Variants in PCDHA3 observed in about 807,000 individuals in gnomAD.
PCDHA3 encodes the protein protocadherin alpha 3, also known as protocadherin alpha-3.
In PCDHA3, 41 loss-of-function variants were observed where a neutral mutation model predicts 62.2. The observed-to-expected ratio is 0.66, with a 90% CI of 0.51 to 0.86. PCDHA3 has a LOEUF of 0.86. Among genes scored for constraint, PCDHA3 ranks in the 40% least tolerant of loss-of-function variants. The pLI is 0.00. For synonymous variants in PCDHA3, 640 were observed against 555.4 expected (o/e 1.15, Z -2.14); for missense variants, 1,304 against 1,241.2 (o/e 1.05, Z -0.76).
rs2150366825 is a variant in PCDHA3, at chr5:140,843,799, A to G, written c.2394+40208A>G. Reference sequence around the variant, plus strand: ...AAAAGTGTTTCAGATTTAGTTTTTCACCGTATTTTATAGTGAAAATTTAAA... The same window carrying G: ...AAAAGTGTTTCAGATTTAGTTTTTCGCCGTATTTTATAGTGAAAATTTAAA... On this transcript the variant is annotated intron_variant, in intron 1 of 3. Transcript: ENST00000522353. 59 of 1,346,314 alleles carry G rather than the reference A, an allele frequency of 4.4e-5. 4 individuals carry two copies. Among genetic ancestry groups the G allele is most frequent in the Middle Eastern group, 2.1e-4 (1 of 4,868 alleles). The allele number at this position is 1,346,314 out of a possible 1,614,324, so 83.4% of individuals were successfully genotyped here.
At chr5:140,808,215 A>T in intron 1 of PCDHA3, 1 of 1,614,260 alleles carries the variant, frequency 6.2e-7, no homozygotes, top group Non-Finnish European at 8.5e-7. Flanking sequence ...GTAGAAGACA[A>T]CAACGATAAT....
At chr5:140,963,060 T>C (rs539314958) in intron 1 of PCDHA3, among the ~76,000 whole-genome samples, 11 of 152,154 alleles carry the variant, frequency 7.2e-5, no homozygotes, top group Non-Finnish European at 1.6e-4. Context: ...GGTTTCTACA[T>C]TGTGAAGGAG....
At chr5:141,007,422 G>A (rs190866782) in intron 3 of PCDHA3, among the ~76,000 whole-genome samples, 22 of 143,640 alleles carry the variant, frequency 1.5e-4, no homozygotes, top group African/African-American at 4.9e-4. Context: ...AAAAAAATTA[G>A]CCAGGCATGG....
intron 1 of PCDHA3, chr5:140,852,739 A>G: frequency 2.0e-6 from 2 of 984,418 alleles, no homozygotes. Flanking sequence ...TTCATGTGCC[A>G]TTTAAACTTG....
chr5:140,913,055 T>G (rs1554195719), intron 1 of PCDHA3, among the ~76,000 whole-genome samples: 2 of 152,184 alleles, frequency 1.3e-5, no homozygotes, highest in African/African-American at 4.8e-5. Context: ...GAGTTTTATT[T>G]TATTTTGATG....
chr5:140,953,034 C>T (rs1337571700), intron 1 of PCDHA3, among the ~76,000 whole-genome samples: 1 of 152,168 alleles, frequency 6.6e-6, no homozygotes, highest in Non-Finnish European at 1.5e-5. Context: ...GGGAAATCCA[C>T]CCCCATGATC....
rs200360846 is a variant in PCDHA3, at chr5:140,842,668, C to T, written c.2394+39077C>T. On this transcript the variant is annotated intron_variant, in intron 1 of 3. Transcript: ENST00000522353. ...TGTCTGTGGAGGTGGCCGACGTGAA[C>T]GACAATGCTCCGGCGTTCGCGCAGC... 2.5e-4 allele frequency: 393 copies of T among 1,595,370 alleles called. 33 individuals carry two copies. Among genetic ancestry groups the T allele is most frequent in the South Asian group, 1.5e-4 (14 of 90,464 alleles).
intron 1 of PCDHA3, chr5:140,848,356 A>C: frequency 9.6e-7 from 1 of 1,038,310 alleles, no homozygotes; most frequent in Non-Finnish European, 1.4e-6. Flanking sequence ...CCCTTTTCCC[A>C]TGGGAAAGAG....
chr5:140,879,123 G>C (rs895703047), intron 1 of PCDHA3, among the ~76,000 whole-genome samples: 18 of 152,310 alleles, frequency 1.2e-4, no homozygotes, highest in South Asian at 4.1e-4. Context: ...AAGGATTAGA[G>C]CAGGGGAGAT....
Position 140,841,790 on chromosome 5 carries a change from G to A in PCDHA3, c.2394+38199G>A, listed in dbSNP as rs2150322746. The A allele has an allele frequency of 5.6e-6, 9 of 1,613,884 alleles. No individual in the cohort carries two copies. The South Asian group carries it at 7.7e-5, about 14-fold the overall frequency. The stretch of plus-strand genomic sequence containing the variant: ...AGACTCTCGGTTTCCGCTAGAGGGC[G>A]CGTCCGATGCAGATGTTGGAGCTAA... On this transcript the variant is annotated intron_variant, in intron 1 of 3. Coordinates refer to ENST00000522353, the MANE Select transcript of PCDHA3 (RefSeq NM_018906.3).
chr5:140,970,527 ATG>A (rs1270257257), intron 1 of PCDHA3, among the ~76,000 whole-genome samples: 2 of 151,436 alleles, frequency 1.3e-5, no homozygotes, highest in African/African-American at 4.9e-5. Context: ...GTAGATGAAT[ATG>A]TGTGTGTGTT....
At position 140,801,551 on chromosome 5, in the gene PCDHA3, T is replaced by C. The variant is rs374486178; in HGVS notation, c.354T>C (p.His118=). The change falls in exon 1 of 4, where the codon CAT becomes CAC. Residue 118 remains histidine, a synonymous_variant. Coordinates refer to ENST00000522353, the MANE Select transcript of PCDHA3 (RefSeq NM_018906.3). ...VIVDRPLQVF[H]VEVEVKDIND... is the part of the protein sequence containing the mutation. ...TGGACAGGCCGCTGCAGGTTTTCCA[T>C]GTGGAGGTGGAAGTGAAGGACATTA... 43 of 1,614,090 alleles carry C rather than the reference T, an allele frequency of 2.7e-5. No individual in the cohort carries two copies. Among genetic ancestry groups the C allele is most frequent in the Non-Finnish European group, 3.4e-5 (40 of 1,180,044 alleles).
intron 1 of PCDHA3, among the ~76,000 whole-genome samples, chr5:140,978,085 C>T (rs1056593415): frequency 2.2e-4 from 33 of 152,186 alleles, no homozygotes; most frequent in African/African-American, 8.0e-4. Flanking sequence ...AGCTTCTAAC[C>T]AGCACATAAC....
rs2150277025 is a variant in PCDHA3, at chr5:140,837,589, G to A, written c.2394+33998G>A. Among the ~76,000 whole-genome samples the A allele has an allele frequency of 4.8e-4, 73 of 151,324 alleles. 1 individual carries two copies. Among genetic ancestry groups the A allele is most frequent in the Admixed American group, 7.9e-4 (12 of 15,168 alleles). On this transcript the variant is annotated intron_variant, in intron 1 of 3. Coordinates refer to ENST00000522353, the MANE Select transcript of PCDHA3 (RefSeq NM_018906.3). ...ATTTACAATCACCAAATTGTAAATCGCCAATATATATATTTTATAATTTGC... is the reference window on the plus strand; with the variant it reads ...ATTTACAATCACCAAATTGTAAATCACCAATATATATATTTTATAATTTGC...
intron 1 of PCDHA3, chr5:140,926,774 A>G: frequency 7.2e-7 from 1 of 1,380,760 alleles, no homozygotes; most frequent in Non-Finnish European, 9.4e-7. Flanking sequence ...AGCCCGCAGC[A>G]GTGACGGCCG....
chr5:140,822,466 G>T (rs1554128658), intron 1 of PCDHA3: 1 of 1,613,560 alleles, frequency 6.2e-7, no homozygotes, highest in African/African-American at 1.3e-5. Flanking sequence ...GTTGATCAAT[G>T]TATTGGATGC....
At chr5:140,914,166 G>A (rs183790385) in intron 1 of PCDHA3, among the ~76,000 whole-genome samples, 2 of 152,250 alleles carry the variant, frequency 1.3e-5, no homozygotes, top group African/African-American at 2.4e-5. Context: ...TACGGAAAGT[G>A]GGGTGTTGAA....
At chr5:140,926,713 C>G (rs1018008271) in intron 1 of PCDHA3, 16 of 944,684 alleles carry the variant, frequency 1.7e-5, no homozygotes, top group Non-Finnish European at 2.3e-5. Flanking sequence ...CTGGCCAGCC[C>G]CGGCAATGCC....
intron 1 of PCDHA3, chr5:140,809,996 C>T (rs941295479): frequency 6.4e-6 from 1 of 156,344 alleles, no homozygotes; most frequent in Non-Finnish European, 1.4e-5. Context: ...TGCCAAATCA[C>T]TTCCCTTATT....
Sources: gnomAD v4.1 joint callset for allele counts (sites outside exome capture counted in the v4.1 genomes callset) on GRCh38, gnomAD v4.1.1 for gene constraint, MANE v1.5 for transcripts, NCBI Gene and HGNC (gene_info 2026-07-23, HGNC 2026-07-21) for gene names.